Variants in BTK observed in about 807,000 individuals in gnomAD.
The protein encoded by BTK is Bruton tyrosine kinase, also known as tyrosine-protein kinase BTK.
BTK carries 5 observed loss-of-function variants against 57.4 expected under a neutral mutation model. The observed-to-expected ratio is 0.09, with a 90% CI of 0.05 to 0.18. BTK has a LOEUF of 0.18. Ranked by LOEUF, BTK falls within the 10% of genes least tolerant of loss-of-function variation. The pLI, the probability that BTK is intolerant of heterozygous loss-of-function variation, is 1.00. For missense variants in BTK, 194 were observed against 501.2 expected, an observed-to-expected ratio of 0.39 and a Z score of 5.85; for synonymous variants, 154 against 174.3, an observed-to-expected ratio of 0.88 and a Z score of 0.92.
At chrX:101,374,976 C>T (rs1555980840) in intron 2 of BTK, among the ~76,000 whole-genome samples, 168 bp downstream of exon 2, 1 of 111,471 alleles carries the variant, frequency 9.0e-6, no homozygotes, top group Non-Finnish European at 1.9e-5. Context: ...CTTTGACTTT[C>T]CGGCTTTAGC....
chrX:101,355,601 C>T (rs577736799), intron 15 of BTK: 3 of 115,008 alleles, frequency 2.6e-5, no homozygotes, highest in East Asian at 2.5e-4. Context: ...TTTTTTTAAG[C>T]GAAATGTTTC....
intron 5 of BTK, among the ~76,000 whole-genome samples, chrX:101,364,747 A>AT (rs1396681649): frequency 4.9e-4 from 51 of 104,333 alleles, no homozygotes; most frequent in African/African-American, 1.0e-3. Context: ...CATAGAGGGA[A>AT]TTTTTTTTTT....
chrX:101,372,937 A>G (rs1279699695), intron 3 of BTK, among the ~76,000 whole-genome samples: 1 of 107,485 alleles, frequency 9.3e-6, no homozygotes, highest in Non-Finnish European at 1.9e-5. Context: ...TACAAAAATT[A>G]GCAGGGTGTG....
chrX:101,382,876 C>T (rs1927498914), intron 1 of BTK, among the ~76,000 whole-genome samples: 1 of 111,224 alleles, frequency 9.0e-6, no homozygotes, highest in Admixed American at 9.6e-5. Flanking sequence ...ATCAAAATAA[C>T]ACACGCAGCT....
chrX:101,357,661 A>G, intron 12 of BTK, 78 bp from the exon 13 acceptor site: 1 of 804,534 alleles, frequency 1.2e-6, no homozygotes, highest in Non-Finnish European at 1.9e-6. Flanking sequence ...TTAAAGCCTC[A>G]CACTTCCGGT....
At chrX:101,387,333 A>G (rs1555982590), upstream of BTK, among the ~76,000 whole-genome samples, 1 of 102,579 alleles carries the variant, frequency 9.7e-6, no homozygotes, top group Non-Finnish European at 2.0e-5. Context: ...CCAAGCCCCA[A>G]CAGGCCCTGG....
chrX:101,390,684 C>T (rs1555983153), upstream of BTK: 1 of 464,391 alleles, frequency 2.2e-6, no homozygotes, highest in African/African-American at 2.4e-5. Context: ...TCATTCGACC[C>T]TAGTCCTGGC....
upstream of BTK, among the ~76,000 whole-genome samples, chrX:101,388,475 A>T (rs1425724182): frequency 8.9e-6 from 1 of 112,209 alleles, no homozygotes; most frequent in Non-Finnish European, 1.9e-5. Context: ...CCTGTTCAGC[A>T]TTTTTATTGA....
chrX:101,374,455 C>T (rs1355636441), intron 3 of BTK, 81 bp downstream of exon 3: 1 of 806,496 alleles, frequency 1.2e-6, no homozygotes, highest in Non-Finnish European at 1.9e-6. Flanking sequence ...ACAGCATCAC[C>T]AGTCTATTTA....
At chrX:101,371,723 T>C in intron 3 of BTK, 22 bp from the exon 4 acceptor site, 2 of 1,156,983 alleles carry the variant, frequency 1.7e-6, no homozygotes, top group South Asian at 1.8e-5. Context: ...TAAGAAAAAA[T>C]GGTTATTGGT....
intron 1 of BTK, among the ~76,000 whole-genome samples, chrX:101,385,515 C>T (rs781784608): frequency 1.2e-4 from 13 of 112,248 alleles, no homozygotes; most frequent in Non-Finnish European, 2.3e-4. Context: ...CTGACCCTGG[C>T]GACATTTGGC....
intron 1 of BTK, among the ~76,000 whole-genome samples, chrX:101,381,387 T>G (rs1363244556): frequency 8.9e-6 from 1 of 111,891 alleles, no homozygotes; most frequent in Non-Finnish European, 1.9e-5. Flanking sequence ...AGTCCTGTCT[T>G]CCTGATGCTT....
chrX:101,358,453 C>T lies in BTK; in HGVS notation c.975-16G>A. The T allele has an allele frequency of 8.3e-7, 1 of 1,211,501 alleles. No homozygotes were observed. Among genetic ancestry groups the T allele is most frequent in the Non-Finnish European group, 1.1e-6 (1 of 895,366 alleles). On this transcript the variant is annotated splice_polypyrimidine_tract_variant and intron_variant, in intron 11 of 18. Transcript: ENST00000308731. ...TTGAGGGTCCCTGAAGAAGTGGATG[C>T]TTAGTCAGTAACTTGGGCACAAAGG... is the stretch of plus-strand genomic sequence containing the variant.
At chrX:101,389,677 C>T (rs1210973638), upstream of BTK, among the ~76,000 whole-genome samples, 1 of 111,353 alleles carries the variant, frequency 9.0e-6, no homozygotes. Flanking sequence ...TCTGTCTCCT[C>T]ACCATCCTCT....
rs1926385673 is a variant in BTK at position 101,354,053 on chromosome X, G to C, written c.1632-65C>G. 8.3e-6 allele frequency: 7 copies of C among 843,877 alleles called. No individual in the cohort carries two copies. In the Admixed American group the frequency reaches 1.5e-4, roughly 19 times the overall value. 69.5% of individuals were successfully genotyped at this position (843,877 alleles called of 1,213,427 possible). ...GCTTGATATTTGCTTACGTTTTCTT[G>C]GCACGGTCACAAGAGTGTCACAAAC... On this transcript the variant is annotated intron_variant, in intron 16 of 18. Transcript: ENST00000308731.
At chrX:101,369,895 C>T in intron 5 of BTK, 103 bp downstream of exon 5, 2 of 750,603 alleles carry the variant, frequency 2.7e-6, no homozygotes, top group East Asian at 3.7e-5. Flanking sequence ...CTTTCTCTTT[C>T]TTTCTCGTTT....
At position 101,353,958 on chromosome X, in the gene BTK, T is replaced by G; in HGVS notation, c.1662A>C (p.Ser554=). The G allele has an allele frequency of 8.3e-7, 1 of 1,209,284 alleles. No homozygotes were observed. Among genetic ancestry groups the G allele is most frequent in the Non-Finnish European group, 1.1e-6 (1 of 892,917 alleles). Residue 554 remains serine (S), a synonymous_variant, in exon 17 of 19, where the codon TCA becomes TCC. Transcript: ENST00000308731. ...RYVLDDEYTS[S]VGSKFPVRWS... ...ACCGGACTGGAAATTTGGAGCCTACTGAGCTTGTGTATTCATCATCCAGGA... is the reference window on the plus strand; with the variant it reads ...ACCGGACTGGAAATTTGGAGCCTACGGAGCTTGTGTATTCATCATCCAGGA...
intron 16 of BTK, among the ~76,000 whole-genome samples, 159 bp downstream of exon 16, chrX:101,354,471 C>T (rs1347948685): frequency 3.6e-5 from 4 of 110,529 alleles, no homozygotes; most frequent in African/African-American, 1.3e-4. Context: ...AAAGAGGTGG[C>T]TTAAATAACT....
In BTK at chrX:101,376,989, G is replaced by A. The variant is rs149656394; in HGVS notation, c.-30-1675C>T. 3.6e-3 allele frequency among the ~76,000 whole-genome samples: 403 copies of A among 111,105 alleles called. 2 individuals are homozygous for A. Among genetic ancestry groups the A allele is most frequent in the Non-Finnish European group, 5.6e-3 (298 of 52,985 alleles). On this transcript the variant is annotated intron_variant, in intron 1 of 18. Coordinates refer to ENST00000308731, the MANE Select transcript of BTK (RefSeq NM_000061.3). ...GAAAATACGTCAAAGGAACACCAGG[G>A]GTGTTCTGGAAGATCGCTTTGCCAC...
Sources: gnomAD v4.1 joint callset for allele counts (sites outside exome capture counted in the v4.1 genomes callset) on GRCh38, gnomAD v4.1.1 for gene constraint, MANE v1.5 for transcripts, NCBI Gene and HGNC (gene_info 2026-07-23, HGNC 2026-07-21) for gene names.